The following SMYD2 variants were observed in gnomAD, a reference collection of about 807,000 sequenced individuals.
The protein encoded by SMYD2 is N-lysine methyltransferase SMYD2.
A neutral mutation model predicts 59.1 loss-of-function variants in SMYD2; 53 were observed. The ratio of observed to expected loss-of-function variants is 0.90; its 90% CI spans 0.72 to 1.13. The LOEUF is 1.13. Among genes scored for constraint, SMYD2 ranks in the 50% most tolerant of loss-of-function variants. SMYD2 has a pLI of 0.00. For synonymous variants in SMYD2, 208 were observed against 198.8 expected, an observed-to-expected ratio of 1.05 and a Z score of -0.39; for missense variants, 494 against 544.7, an observed-to-expected ratio of 0.91 and a Z score of 0.93.
chr1:214,284,853 A>G (rs1311226739), intron 1 of SMYD2, among the ~76,000 whole-genome samples: 1 of 152,176 alleles, frequency 6.6e-6, no homozygotes, highest in Non-Finnish European at 1.5e-5. Flanking sequence ...TTGTCTCAGA[A>G]GGAGAGAAAT....
chr1:214,318,244 T>C lies in SMYD2; in HGVS notation c.409+105T>C, dbSNP rs1316937124. 6 of 978,640 alleles carry C rather than the reference T, an allele frequency of 6.1e-6. No homozygotes were observed. In the Admixed American group the frequency reaches 7.8e-5, roughly 13 times the overall value. 60.6% of individuals were successfully genotyped at this position (978,640 alleles called of 1,614,324 possible). A position where few individuals can be genotyped will look rare whatever the true frequency, so the allele number is the denominator to read the frequency against. On this transcript the variant is annotated intron_variant, in intron 4 of 11. Transcript: ENST00000366957. The surrounding 1 kb of genome is among the most constrained non-coding windows in gnomAD (Gnocchi z 5.4). ...GGCTAGTTTGTGCTCAGAGGAGTAGTGATTTCTTTGATTACTAGTTTTTAT... is the reference window on the plus strand; with the variant it reads ...GGCTAGTTTGTGCTCAGAGGAGTAGCGATTTCTTTGATTACTAGTTTTTAT...
chr1:214,320,201 A>C (rs539075322), intron 5 of SMYD2, among the ~76,000 whole-genome samples: 2 of 152,348 alleles, frequency 1.3e-5, no homozygotes, highest in East Asian at 3.9e-4. Flanking sequence ...GTTACGTTTC[A>C]CGACTGTCTA....
At chr1:214,336,322 G>C (rs568116772) in intron 11 of SMYD2, among the ~76,000 whole-genome samples, 7 of 152,250 alleles carry the variant, frequency 4.6e-5, no homozygotes, top group Admixed American at 3.3e-4. Flanking sequence ...CACGAGGTCA[G>C]GAGATCGAGA....
intron 1 of SMYD2, among the ~76,000 whole-genome samples, chr1:214,282,395 G>C (rs1266330195): frequency 6.6e-6 from 1 of 152,214 alleles, no homozygotes; most frequent in Admixed American, 6.5e-5. Flanking sequence ...TAGGTGCTCA[G>C]TAAATTTACT....
At chr1:214,294,005 T>C (rs899667421) in intron 1 of SMYD2, among the ~76,000 whole-genome samples, 1 of 152,100 alleles carries the variant, frequency 6.6e-6, no homozygotes, top group Non-Finnish European at 1.5e-5. Context: ...ACAAAAATAT[T>C]ATTTCCCAGT....
intron 1 of SMYD2, among the ~76,000 whole-genome samples, chr1:214,300,111 C>A (rs1298266191): frequency 2.0e-5 from 3 of 152,130 alleles, no homozygotes; most frequent in Non-Finnish European, 4.4e-5. Context: ...TGCAGCAAAC[C>A]TGAATCTAAA....
At chr1:214,289,452 C>T (rs938477347) in intron 1 of SMYD2, among the ~76,000 whole-genome samples, 2 of 152,188 alleles carry the variant, frequency 1.3e-5, no homozygotes, top group African/African-American at 4.8e-5. Context: ...ATTAAATTGA[C>T]TCCCCCCATC....
Position 214,314,899 on chromosome 1 carries a change from G to T in SMYD2, c.348+27G>T, listed in dbSNP as rs185560172. 5.8e-6 allele frequency: 9 copies of T among 1,547,362 alleles called. No individual in the cohort carries two copies. In the East Asian group the frequency reaches 2.0e-4, roughly 35 times the overall value. On this transcript the variant is annotated intron_variant, in intron 3 of 11. Coordinates refer to ENST00000366957, the MANE Select transcript of SMYD2 (RefSeq NM_020197.3). ...TGAGGAAATGGGACAATGTTCAAGT[G>T]CATTTTATTTTGTTTTTCTTTTAAA...
At chr1:214,326,755 G>A (rs1657270365) in intron 6 of SMYD2, among the ~76,000 whole-genome samples, 1 of 152,124 alleles carries the variant, frequency 6.6e-6, no homozygotes, top group East Asian at 1.9e-4. Context: ...GAGAGGGGCT[G>A]TGGTCTCTGG....
chr1:214,303,832 G>C (rs763767620), intron 1 of SMYD2, among the ~76,000 whole-genome samples: 4 of 152,254 alleles, frequency 2.6e-5, no homozygotes, highest in Admixed American at 6.5e-5. Context: ...CTGCAGAGGA[G>C]GGGGGACGAG....
At chr1:214,319,026 C>G in intron 5 of SMYD2, 43 bp downstream of exon 5, 1 of 1,603,172 alleles carries the variant, frequency 6.2e-7, no homozygotes, top group Non-Finnish European at 8.5e-7. Flanking sequence ...TGGCCTTTCC[C>G]TCTCCAAGGC....
At chr1:214,296,578 G>A (rs1166913596) in intron 1 of SMYD2, among the ~76,000 whole-genome samples, 2 of 152,106 alleles carry the variant, frequency 1.3e-5, no homozygotes, top group African/African-American at 4.8e-5. Context: ...AAGTGTAGTA[G>A]TACCCAGCAT....
chr1:214,286,853 C>T (rs1482881565), intron 1 of SMYD2, among the ~76,000 whole-genome samples: 1 of 22,456 alleles, frequency 4.5e-5, no homozygotes, highest in Non-Finnish European at 7.6e-5. Context: ...TCTGATCTCT[C>T]TTCTTTTTTT....
Position 214,318,284 on chromosome 1 carries a change from T to A in SMYD2, c.409+145T>A. 1 of 744,138 alleles carries A rather than the reference T, an allele frequency of 1.3e-6. No homozygotes were observed. Among genetic ancestry groups the A allele is most frequent in the South Asian group, 2.0e-5 (1 of 50,634 alleles). The allele number at this position is 744,138 out of a possible 1,614,324, so 46.1% of individuals were successfully genotyped here. The stretch of plus-strand genomic sequence containing the variant: ...CTAGTTTTTATTTTTACTCTTGTGC[T>A]GTTTCGAAAAGCACTTTTAGCTTTT... On this transcript the variant is annotated intron_variant, in intron 4 of 11. Coordinates refer to ENST00000366957, the MANE Select transcript of SMYD2 (RefSeq NM_020197.3). This position sits in a 1 kb window ranked among gnomAD's most constrained non-coding sequence, Gnocchi z 5.4.
rs199700774 is a variant in SMYD2 at position 214,327,646 on chromosome 1, T to G, written c.627T>G (p.Cys209Trp). Residue 209 changes from cysteine to tryptophan, a missense_variant, in exon 7 of 12, where the codon TGT becomes TGG. By Grantham distance (215) the Cys-to-Trp change is radical. Coordinates refer to ENST00000366957, the MANE Select transcript of SMYD2 (RefSeq NM_020197.3). ...GTGTTGCATTGATGAATCATAGCTG[T>G]TGCCCCAATGTCATTGTGACCTACA... ...FPDVALMNHS[C>W]CPNVIVTYKG... The G allele has an allele frequency of 1.9e-6, 3 of 1,614,070 alleles. No individual in the cohort carries two copies. Among genetic ancestry groups the G allele is most frequent in the Non-Finnish European group, 2.5e-6 (3 of 1,180,002 alleles).
chr1:214,321,995 G>C lies in SMYD2; in HGVS notation c.535-2646G>C, dbSNP rs577087161. On this transcript the variant is annotated intron_variant, in intron 5 of 11. Transcript: ENST00000366957. ...CAGTCTTCCACAGTAAGAGGAGCCG[G>C]GAAGGGAATAAAGGGACTGATGGTC... 2.0e-5 allele frequency among the ~76,000 whole-genome samples: 3 copies of C among 152,250 alleles called. No homozygotes were observed. The East Asian group carries it at 5.8e-4, about 29-fold the overall frequency.
At position 214,332,063 on chromosome 1, in the gene SMYD2, T is replaced by A. The variant is rs760834330; in HGVS notation, c.983T>A (p.Met328Lys). The A allele has an allele frequency of 1.9e-6, 3 of 1,611,694 alleles. No homozygotes were observed. The highest frequency in any genetic ancestry group is 1.7e-5 in the Admixed American group (1 of 59,962). ...ATCTGCGAGCTCAGCCAGGAGAAGA[T>A]GAGCTCTGTGTTTGAGGACAGTAAC... is the stretch of plus-strand genomic sequence containing the variant. ...LEICELSQEK[M>K]SSVFEDSNVY... The change falls in exon 10 of 12, where the codon ATG becomes AAG. Residue 328 changes from methionine to lysine, a missense_variant. Met to Lys is a moderately conservative substitution (Grantham distance 95). Transcript: ENST00000366957.
intron 2 of SMYD2, among the ~76,000 whole-genome samples, chr1:214,308,220 A>G (rs1656945254): frequency 6.6e-6 from 1 of 152,184 alleles, no homozygotes; most frequent in Non-Finnish European, 1.5e-5. Flanking sequence ...TTGTTTCTAG[A>G]GGTGGCAGGC....
intron 6 of SMYD2, among the ~76,000 whole-genome samples, chr1:214,326,324 A>C (rs4655336): frequency 0.29 from 44,645 of 151,668 alleles, 6,914 homozygotes; most frequent in Non-Finnish European, 0.34. Context: ...CAAGAACATG[A>C]ATTGTTTTAG....
Sources: gnomAD v4.1 joint callset for allele counts (sites outside exome capture counted in the v4.1 genomes callset) on GRCh38, gnomAD v4.1.1 for gene constraint, Gnocchi (gnomAD v3.1) non-coding constraint, MANE v1.5 for transcripts, NCBI Gene and HGNC (gene_info 2026-07-23, HGNC 2026-07-21) for gene names.